Variants in PRKD1 observed in about 807,000 individuals in gnomAD.
PRKD1 encodes serine/threonine-protein kinase D1.
In PRKD1, 63 loss-of-function variants were observed where a neutral mutation model predicts 95.9. That is an observed-to-expected ratio of 0.66 (90% CI 0.54 to 0.81). PRKD1 has a LOEUF of 0.81. Among genes scored for constraint, PRKD1 ranks in the 30% least tolerant of loss-of-function variants. The pLI, the probability that PRKD1 is intolerant of heterozygous loss-of-function variation, is 0.00. For synonymous variants in PRKD1, 425 were observed against 423.1 expected, an observed-to-expected ratio of 1.00 and a Z score of -0.05; for missense variants, 1,048 against 1,165.3, an observed-to-expected ratio of 0.90 and a Z score of 1.47.
chr14:29,883,868 G>T (rs987418040), intron 1 of PRKD1, among the ~76,000 whole-genome samples: 11 of 152,290 alleles, frequency 7.2e-5, no homozygotes, highest in African/African-American at 2.6e-4. Context: ...GCTCTCAGAT[G>T]CATCACTGTC....
At chr14:29,864,943 C>G (rs1594586771) in intron 1 of PRKD1, among the ~76,000 whole-genome samples, 2 of 152,048 alleles carry the variant, frequency 1.3e-5, no homozygotes, top group Non-Finnish European at 2.9e-5. Context: ...TCAGGTTTTC[C>G]CCCCAAATAG....
chr14:29,627,850 A>G (rs190617875), intron 11 of PRKD1, among the ~76,000 whole-genome samples: 266 of 152,298 alleles, frequency 1.7e-3, no homozygotes, highest in Admixed American at 4.3e-3. Flanking sequence ...AACGCTGTCT[A>G]GGGACAAGAC....
intron 16 of PRKD1, chr14:29,594,069 G>A (rs1433981725): frequency 1.6e-5 from 7 of 444,332 alleles, no homozygotes; most frequent in African/African-American, 4.1e-5. Context: ...ATGCAGAGAC[G>A]AAAGCAAATC....
At chr14:29,852,742 T>C (rs1212551323) in intron 1 of PRKD1, among the ~76,000 whole-genome samples, 1 of 151,130 alleles carries the variant, frequency 6.6e-6, no homozygotes, top group Non-Finnish European at 1.5e-5. Flanking sequence ...GAAAATGAAA[T>C]GAAAGAAACA....
At chr14:29,642,613 A>T (rs1323532874) in intron 4 of PRKD1, among the ~76,000 whole-genome samples, 1 of 152,214 alleles carries the variant, frequency 6.6e-6, no homozygotes, top group Admixed American at 6.5e-5. Context: ...TTTATAAGTT[A>T]TAACAACTTT....
At chr14:29,795,234 T>C (rs1347126009) in intron 1 of PRKD1, among the ~76,000 whole-genome samples, 2 of 151,944 alleles carry the variant, frequency 1.3e-5, no homozygotes, top group Non-Finnish European at 2.9e-5. Flanking sequence ...ATCAAGAAAA[T>C]GTCACATCTA....
At chr14:29,748,583 C>A (rs1887337222) in intron 1 of PRKD1, among the ~76,000 whole-genome samples, 1 of 152,208 alleles carries the variant, frequency 6.6e-6, no homozygotes, top group Non-Finnish European at 1.5e-5. Context: ...GCCCTCAGCT[C>A]TTCTGTGCAT....
chr14:29,912,637 A>T (rs1894757064), intron 1 of PRKD1, among the ~76,000 whole-genome samples: 1 of 152,190 alleles, frequency 6.6e-6, no homozygotes, highest in South Asian at 2.1e-4. Flanking sequence ...AACTTCCAAA[A>T]TTTTCTCTCT....
At chr14:29,837,298 T>C (rs1038166467) in intron 1 of PRKD1, among the ~76,000 whole-genome samples, 4 of 152,222 alleles carry the variant, frequency 2.6e-5, no homozygotes, top group African/African-American at 9.6e-5. Flanking sequence ...CTTCATGCTT[T>C]GCTACAGCAT....
chr14:29,629,631 A>G (rs2139107434), intron 10 of PRKD1, among the ~76,000 whole-genome samples: 1 of 152,330 alleles, frequency 6.6e-6, no homozygotes, highest in Admixed American at 6.5e-5. Flanking sequence ...TTTCATTATG[A>G]GTAACTATTA....
intron 1 of PRKD1, among the ~76,000 whole-genome samples, chr14:29,816,542 C>T (rs1363104001): frequency 6.6e-6 from 1 of 152,156 alleles, no homozygotes; most frequent in Non-Finnish European, 1.5e-5. Flanking sequence ...ATTTGCTTTT[C>T]AAGTTCTCAT....
chr14:29,826,758 CATATATATAT>C (rs1311294781), intron 1 of PRKD1, among the ~76,000 whole-genome samples: 1 of 40,016 alleles, frequency 2.5e-5, no homozygotes, highest in African/African-American at 1.0e-4. Flanking sequence ...TATATATATA[CATATATATAT>C]ACACATATAT....
chr14:29,827,883 T>G (rs942633427), intron 1 of PRKD1, among the ~76,000 whole-genome samples: 1 of 152,254 alleles, frequency 6.6e-6, no homozygotes, highest in Middle Eastern at 3.4e-3. Context: ...AGAGCTCTTC[T>G]TCTTCTGACA....
chr14:29,801,125 G>A (rs1290187062), intron 1 of PRKD1, among the ~76,000 whole-genome samples: 1 of 152,042 alleles, frequency 6.6e-6, no homozygotes, highest in Non-Finnish European at 1.5e-5. Context: ...TGTAGAGACT[G>A]GAAAATCCAA....
chr14:29,719,059 A>C (rs1032569887), intron 2 of PRKD1, among the ~76,000 whole-genome samples: 1 of 152,080 alleles, frequency 6.6e-6, no homozygotes, highest in African/African-American at 2.4e-5. Flanking sequence ...ACTTTCTATA[A>C]AAGAAAAAAG....
At chr14:29,847,080 G>A (rs1466426826) in intron 1 of PRKD1, among the ~76,000 whole-genome samples, 7 of 152,124 alleles carry the variant, frequency 4.6e-5, no homozygotes, top group African/African-American at 1.7e-4. Context: ...CTCCTGTACT[G>A]CAGGGGGGGT....
At chr14:29,927,216 A>T in intron 1 of PRKD1, 33 bp downstream of exon 1, 1 of 1,460,850 alleles carries the variant, frequency 6.8e-7, no homozygotes, top group Non-Finnish European at 9.0e-7. Flanking sequence ...CGCCGCGGGG[A>T]GGCGCCGGGC....
chr14:29,741,059 A>G (rs1348144205), intron 1 of PRKD1, among the ~76,000 whole-genome samples: 1 of 152,068 alleles, frequency 6.6e-6, no homozygotes, highest in East Asian at 1.9e-4. Context: ...AATGATGAGA[A>G]CTTAGGGATA....
At chr14:29,653,794 A>G (rs943293349) in intron 4 of PRKD1, among the ~76,000 whole-genome samples, 4 of 152,228 alleles carry the variant, frequency 2.6e-5, no homozygotes, top group African/African-American at 9.6e-5. Flanking sequence ...CATAATACAT[A>G]AAGACTATAA....
Sources: allele counts gnomAD v4.1 joint callset (sites outside exome capture counted in the v4.1 genomes callset), GRCh38; gene constraint gnomAD v4.1.1; transcripts MANE v1.5; gene names NCBI Gene and HGNC (gene_info 2026-07-23, HGNC 2026-07-21).